The following GRM8 variants were observed in gnomAD, a reference collection of about 807,000 sequenced individuals.
GRM8 encodes the protein metabotropic glutamate receptor 8.
Under a neutral mutation model 87.2 loss-of-function variants are expected in GRM8, and 47 were observed. The ratio of observed to expected loss-of-function variants is 0.54; its 90% CI spans 0.43 to 0.69. GRM8 has a LOEUF of 0.69. Ranked by LOEUF, GRM8 falls within the 30% of genes least tolerant of loss-of-function variation. The pLI, the probability that GRM8 is intolerant of heterozygous loss-of-function variation, is 0.00. For synonymous variants in GRM8, 396 were observed against 404.5 expected, an observed-to-expected ratio of 0.98 and a Z score of 0.25; for missense variants, 1,019 against 1,139.2, an observed-to-expected ratio of 0.89 and a Z score of 1.52.
chr7:126,623,297 TC>T (rs2151148182), intron 7 of GRM8, among the ~76,000 whole-genome samples: 1 of 152,256 alleles, frequency 6.6e-6, no homozygotes, highest in Non-Finnish European at 1.5e-5. Context: ...TCTTAAAAAG[TC>T]TAAATTTTTT....
At chr7:126,514,291 T>C (rs1370998523) in intron 9 of GRM8, among the ~76,000 whole-genome samples, 2 of 152,126 alleles carry the variant, frequency 1.3e-5, no homozygotes, top group Non-Finnish European at 2.9e-5. Flanking sequence ...CCAATTTCTA[T>C]GTGGTTTTAT....
At chr7:127,094,201 G>A (rs1383600118) in intron 3 of GRM8, among the ~76,000 whole-genome samples, 1 of 152,178 alleles carries the variant, frequency 6.6e-6, no homozygotes, top group Non-Finnish European at 1.5e-5. Flanking sequence ...CTCTCATCTA[G>A]TGCTGGAGTT....
chr7:126,720,533 A>C (rs572409250), intron 7 of GRM8, among the ~76,000 whole-genome samples: 1 of 152,308 alleles, frequency 6.6e-6, no homozygotes, highest in South Asian at 2.1e-4. Flanking sequence ...AATGAAAGCA[A>C]AATTTAACTT....
At chr7:127,128,366 T>C (rs920925319) in intron 2 of GRM8, among the ~76,000 whole-genome samples, 9 of 152,102 alleles carry the variant, frequency 5.9e-5, no homozygotes, top group Non-Finnish European at 1.2e-4. Flanking sequence ...CTGATGTCAG[T>C]GGAGTTACTG....
chr7:126,743,885 C>A (rs1372472711), intron 7 of GRM8, among the ~76,000 whole-genome samples: 1 of 146,792 alleles, frequency 6.8e-6, no homozygotes, highest in Non-Finnish European at 1.5e-5. Context: ...ATTGTGTTGA[C>A]ATTTGCACTT....
intron 7 of GRM8, among the ~76,000 whole-genome samples, chr7:126,643,319 AATATATATATATATATATAT>A (rs1198296006): frequency 1.7e-4 from 6 of 36,202 alleles, no homozygotes; most frequent in Admixed American, 9.3e-4. Flanking sequence ...AAAAAAAAAA[AATATATATATATATATATAT>A]ATATATATAT....
At chr7:127,123,410 T>G (rs1827192741) in intron 2 of GRM8, among the ~76,000 whole-genome samples, 1 of 152,108 alleles carries the variant, frequency 6.6e-6, no homozygotes, top group African/African-American at 2.4e-5. Context: ...GTTCTCACTC[T>G]GTTAGTTCCC....
intron 8 of GRM8, among the ~76,000 whole-genome samples, chr7:126,561,761 T>C (rs1225333360): frequency 1.4e-5 from 2 of 143,180 alleles, no homozygotes; most frequent in East Asian, 2.1e-4. Flanking sequence ...TATCTCCTAA[T>C]GTTATCCCTC....
At chr7:126,697,630 T>C (rs908910928) in intron 7 of GRM8, among the ~76,000 whole-genome samples, 6 of 152,256 alleles carry the variant, frequency 3.9e-5, no homozygotes, top group Admixed American at 3.9e-4. Context: ...GAAATGTTTA[T>C]AACATTTACT....
intron 7 of GRM8, among the ~76,000 whole-genome samples, chr7:126,706,473 A>G (rs1810535564): frequency 6.6e-6 from 1 of 152,116 alleles, no homozygotes; most frequent in African/African-American, 2.4e-5. Context: ...GTGGGGGGAA[A>G]TCTTTCCTTG....
At chr7:127,033,973 T>C (rs1817623270) in intron 3 of GRM8, among the ~76,000 whole-genome samples, 1 of 152,222 alleles carries the variant, frequency 6.6e-6, no homozygotes, top group African/African-American at 2.4e-5. Context: ...ATTGTCATTC[T>C]CTAATGGAAT....
intron 9 of GRM8, among the ~76,000 whole-genome samples, chr7:126,507,081 C>T (rs111564707): frequency 2.7e-5 from 4 of 150,578 alleles, no homozygotes; most frequent in African/African-American, 9.8e-5. Flanking sequence ...TTTTACTTTC[C>T]GCAAGTAATT....
chr7:126,870,582 T>G (rs1423905438), intron 6 of GRM8: 2 of 152,170 alleles, frequency 1.3e-5, no homozygotes, highest in Non-Finnish European at 2.9e-5. Flanking sequence ...GCTCAGGGAC[T>G]AGGAAAGCCT....
intron 8 of GRM8, among the ~76,000 whole-genome samples, chr7:126,607,261 C>T (rs777878182): frequency 3.9e-5 from 6 of 152,120 alleles, no homozygotes; most frequent in Non-Finnish European, 8.8e-5. Context: ...TGATATGTGG[C>T]CTTACGTATC....
intron 3 of GRM8, among the ~76,000 whole-genome samples, chr7:126,976,767 C>T (rs1172711839): frequency 6.6e-6 from 1 of 151,978 alleles, no homozygotes; most frequent in Non-Finnish European, 1.5e-5. Context: ...TGAATAATGA[C>T]AACTTAGAAA....
At chr7:127,159,261 T>G (rs1792937938) in intron 2 of GRM8, among the ~76,000 whole-genome samples, 1 of 152,194 alleles carries the variant, frequency 6.6e-6, no homozygotes, top group South Asian at 2.1e-4. Context: ...ATTAAGCATT[T>G]TAGTCACTGT....
intron 7 of GRM8, among the ~76,000 whole-genome samples, chr7:126,610,708 A>T (rs1798836677): frequency 6.6e-6 from 1 of 152,378 alleles, no homozygotes; most frequent in Admixed American, 6.5e-5. Context: ...AAAAAAACAC[A>T]GTAACCTGTA....
intron 2 of GRM8, among the ~76,000 whole-genome samples, chr7:127,241,774 T>A (rs961710487): frequency 2.0e-5 from 3 of 152,176 alleles, no homozygotes; most frequent in African/African-American, 7.2e-5. Flanking sequence ...GGCTCATTAA[T>A]TCAGATTAAG....
At chr7:126,453,485 T>C (rs1209674392) in intron 9 of GRM8, among the ~76,000 whole-genome samples, 1 of 151,690 alleles carries the variant, frequency 6.6e-6, no homozygotes, top group Non-Finnish European at 1.5e-5. Context: ...TGTGAGGTCT[T>C]TCTGAACCCT....
Sources: allele counts gnomAD v4.1 joint callset (sites outside exome capture counted in the v4.1 genomes callset), GRCh38; gene constraint gnomAD v4.1.1; transcripts MANE v1.5; gene names NCBI Gene and HGNC (gene_info 2026-07-23, HGNC 2026-07-21).